TBX22: variants seen among roughly 807,000 people sequenced by gnomAD.
TBX22 encodes T-box transcription factor TBX22.
Under a neutral mutation model 30.1 loss-of-function variants are expected in TBX22, and 8 were observed. The ratio of observed to expected loss-of-function variants is 0.27; its 90% CI spans 0.16 to 0.48. The LOEUF (loss-of-function observed/expected upper bound fraction) is 0.48, where lower values mean the gene tolerates loss of function less well. TBX22 is among the 20% of genes least tolerant of loss of function. The pLI is 0.99. For missense variants in TBX22, 463 were observed against 400.5 expected, an observed-to-expected ratio of 1.16 and a Z score of -1.33; for synonymous variants, 173 against 149.1, an observed-to-expected ratio of 1.16 and a Z score of -1.17.
At chrX:80,023,915 T>C (rs886313473) in intron 3 of TBX22, 148 bp from the exon 4 acceptor site, 1 of 518,899 alleles carries the variant, frequency 1.9e-6, no homozygotes, top group African/African-American at 2.3e-5. Context: ...TTTCCTCATG[T>C]AGCAAATGCT....
intron 5 of TBX22, among the ~76,000 whole-genome samples, chrX:80,026,200 T>G (rs988057827): frequency 8.1e-5 from 9 of 111,582 alleles, no homozygotes; most frequent in African/African-American, 2.6e-4. Flanking sequence ...AATCTCAGAC[T>G]GCATCCTGGA....
intron 1 of TBX22, 65 bp from the exon 2 acceptor site, chrX:80,022,203 C>T (rs1221569128): frequency 9.1e-7 from 1 of 1,100,803 alleles, no homozygotes; most frequent in East Asian, 3.0e-5. Context: ...CCTGTGTCTC[C>T]CCCTCCCTCC....
At chrX:80,029,194 A>C (rs1236055734) in intron 8 of TBX22, among the ~76,000 whole-genome samples, 1 of 112,098 alleles carries the variant, frequency 8.9e-6, no homozygotes, top group Non-Finnish European at 1.9e-5. Context: ...TTTATTATAA[A>C]AGATATTTGC....
At chrX:80,016,036 T>C (rs4578100) in intron 1 of TBX22, among the ~76,000 whole-genome samples, 27,115 of 110,484 alleles carry the variant, frequency 0.25, 2,517 homozygotes, top group East Asian at 0.36. Flanking sequence ...CTATATTTGG[T>C]GTTTTGATAG....
chrX:80,017,645 G>T (rs779258661), intron 1 of TBX22, among the ~76,000 whole-genome samples: 2 of 111,503 alleles, frequency 1.8e-5, no homozygotes, highest in South Asian at 7.4e-4. Flanking sequence ...TTTCAAAAAG[G>T]TTTTTTCTTT....
At chrX:80,022,484 A>T in intron 2 of TBX22, 40 bp downstream of exon 2, 1 of 1,139,796 alleles carries the variant, frequency 8.8e-7, no homozygotes, top group Non-Finnish European at 1.2e-6. Context: ...GCCTGAGCTT[A>T]CTGGTTCCGC....
rs781651154 is a variant in TBX22, at chrX:80,030,521, G to C, written c.973G>C (p.Val325Leu). Reference protein sequence around the residue: ...TQSGSSGSSPVTSSGGAPSPL... With the variant: ...TQSGSSGSSPLTSSGGAPSPL... ...AGGTGGAAGCAGTGGCTCATCTCCA[G>C]TGACCTCTAGTGGAGGGGCCCCCTC... Residue 325 changes from valine to leucine, a missense_variant, in exon 9 of 9, where the codon GTG becomes CTG. Physicochemically the swap from Val to Leu is conservative, Grantham distance 32. Coordinates refer to ENST00000373296, the MANE Select transcript of TBX22 (RefSeq NM_001109878.2). The C allele has an allele frequency of 8.3e-7, 1 of 1,209,140 alleles. No homozygotes were observed. The highest frequency in any genetic ancestry group is 1.8e-5 in the South Asian group (1 of 56,769).
chrX:80,022,774 T>C, intron 2 of TBX22: 2 of 408,953 alleles, frequency 4.9e-6, no homozygotes, highest in Non-Finnish European at 8.4e-6. Context: ...GGGCATCCAG[T>C]CTCGGTTATC....
At position 80,025,973 on chromosome X, in the gene TBX22, G is replaced by A. The variant is rs73630352; in HGVS notation, c.633+196G>A. Among the ~76,000 whole-genome samples the A allele has an allele frequency of 4.5e-3, 498 of 111,404 alleles. 3 individuals carry two copies. The highest frequency in any genetic ancestry group is 0.015 in the African/African-American group (451 of 30,647). On this transcript the variant is annotated intron_variant, in intron 5 of 8. Transcript: ENST00000373296. ...TTTGTTTAGCATCTGAGATGCTGGCGACTGGGGATGGTGAATATAGGGAGT... is the reference window on the plus strand; with the variant it reads ...TTTGTTTAGCATCTGAGATGCTGGCAACTGGGGATGGTGAATATAGGGAGT...
rs200010645 is a variant in TBX22 at position 80,017,278 on chromosome X, TTTTG to T, written c.-3+2393_-3+2396del. ...AGGTTTGACACTAGTTTGGTGTTGT[TTTTG>T]TGTGTGTGTGTGTGTGTGTGTGTGT... On this transcript the variant is annotated intron_variant, in intron 1 of 8. Transcript: ENST00000373296. Among the ~76,000 whole-genome samples, 317 of 70,418 alleles carry T rather than the reference TTTTG, an allele frequency of 4.5e-3. 1 individual carries two copies. Among genetic ancestry groups the T allele is most frequent in the Middle Eastern group, 0.014 (2 of 147 alleles). 61.1% of individuals were successfully genotyped at this position (70,418 alleles called of 115,157 possible). A position where few individuals can be genotyped will look rare whatever the true frequency, so the allele number is the denominator to read the frequency against.
At chrX:80,020,751 T>A (rs913632583) in intron 1 of TBX22, among the ~76,000 whole-genome samples, 3 of 111,779 alleles carry the variant, frequency 2.7e-5, no homozygotes, top group African/African-American at 9.8e-5. Flanking sequence ...GTAGCTGAAA[T>A]TAAAAGGACA....
intron 2 of TBX22, chrX:80,022,788 G>C: frequency 7.5e-6 from 3 of 399,150 alleles, no homozygotes; most frequent in Non-Finnish European, 1.3e-5. Context: ...GGTTATCAAC[G>C]TCTCCAGGAG....
chrX:80,020,892 T>C (rs775315958), intron 1 of TBX22, among the ~76,000 whole-genome samples: 1 of 111,916 alleles, frequency 8.9e-6, no homozygotes, highest in African/African-American at 3.2e-5. Context: ...AATAATATAA[T>C]TTTTCTGGAA....
intron 1 of TBX22, among the ~76,000 whole-genome samples, chrX:80,021,086 G>C (rs1260956372): frequency 9.0e-6 from 1 of 111,196 alleles, no homozygotes; most frequent in Non-Finnish European, 1.9e-5. Flanking sequence ...AAAGAAACTT[G>C]TATATTCATT....
At chrX:80,026,957 T>C in intron 6 of TBX22, 89 bp downstream of exon 6, 2 of 902,106 alleles carry the variant, frequency 2.2e-6, no homozygotes, top group East Asian at 6.3e-5. Context: ...TCAATTGCAT[T>C]TTCCACAATT....
intron 8 of TBX22, among the ~76,000 whole-genome samples, chrX:80,029,643 C>G (rs767589141): frequency 1.8e-5 from 2 of 111,536 alleles, no homozygotes; most frequent in Non-Finnish European, 3.8e-5. Context: ...AATCAGTGTA[C>G]CTTTGGTCAG....
Position 80,028,898 on chromosome X carries a change from A to C in TBX22, c.949+822A>C, listed in dbSNP as rs887759404. On this transcript the variant is annotated intron_variant, in intron 8 of 8. Transcript: ENST00000373296. ...ACTGAAAAGGGAAGAAGTGAAGTCTAATCATTTGGTGAAATATTTCACTGG... is the reference window on the plus strand; with the variant it reads ...ACTGAAAAGGGAAGAAGTGAAGTCTCATCATTTGGTGAAATATTTCACTGG... Among the ~76,000 whole-genome samples, 30 of 110,164 alleles carry C rather than the reference A, an allele frequency of 2.7e-4. 1 individual carries two copies. Among genetic ancestry groups the C allele is most frequent in the Admixed American group, 2.5e-3 (26 of 10,316 alleles).
intron 1 of TBX22, among the ~76,000 whole-genome samples, chrX:80,017,574 A>C (rs188986328): frequency 9.0e-6 from 1 of 111,446 alleles, no homozygotes. Flanking sequence ...CTGAAAGGTG[A>C]CCATACAATG....
chrX:80,030,401 T>G, intron 8 of TBX22, 97 bp from the exon 9 acceptor site: 1 of 1,071,970 alleles, frequency 9.3e-7, no homozygotes, highest in Non-Finnish European at 1.3e-6. Flanking sequence ...AAAATTAATC[T>G]AAGGATGAAG....
Sources: allele counts gnomAD v4.1 joint callset (sites outside exome capture counted in the v4.1 genomes callset), GRCh38; gene constraint gnomAD v4.1.1; transcripts MANE v1.5; gene names NCBI Gene and HGNC (gene_info 2026-07-23, HGNC 2026-07-21).